USP28: variants seen among roughly 807,000 people sequenced by gnomAD.
USP28 encodes ubiquitin carboxyl-terminal hydrolase 28.
USP28 carries 113 observed loss-of-function variants against 145.0 expected under a neutral mutation model. That is an observed-to-expected ratio of 0.78 (90% CI 0.67 to 0.91). The LOEUF (loss-of-function observed/expected upper bound fraction) is 0.91, where lower values mean the gene tolerates loss of function less well. USP28 is among the 40% of genes least tolerant of loss of function. The pLI is 0.00. For synonymous variants in USP28, 447 were observed against 450.9 expected, an observed-to-expected ratio of 0.99 and a Z score of 0.11; for missense variants, 1,201 against 1,289.6, an observed-to-expected ratio of 0.93 and a Z score of 1.05.
intron 18 of USP28, 46 bp from the exon 20 acceptor site, chr11:113,806,630 G>C: frequency 7.3e-7 from 1 of 1,362,050 alleles, no homozygotes; most frequent in Non-Finnish European, 1.0e-6. Flanking sequence ...AGAGAAGAAA[G>C]GTTCAGCAGA....
chr11:113,821,769 C>G (rs971755188), intron 12 of USP28: 1 of 192,482 alleles, frequency 5.2e-6, no homozygotes, highest in African/African-American at 2.3e-5. Context: ...ATTCAGAAAG[C>G]CTCTCTGTTC....
intron 1 of USP28, among the ~76,000 whole-genome samples, chr11:113,855,116 A>C (rs1402874947): frequency 6.6e-6 from 1 of 152,214 alleles, no homozygotes; most frequent in African/African-American, 2.4e-5. Flanking sequence ...TTGACTAATT[A>C]AAAAGTACAG....
chr11:113,813,947 T>A, exon 15 of USP28: 1 of 1,606,030 alleles, frequency 6.2e-7, no homozygotes, highest in Non-Finnish European at 8.5e-7. Context: ...GCAATACAAG[T>A]CTTTAAATCT....
chr11:113,830,736 A>G (rs1943884404), intron 9 of USP28, 131 bp downstream of exon 9: 1 of 722,728 alleles, frequency 1.4e-6, no homozygotes, highest in Non-Finnish European at 2.2e-6. Context: ...AGATACCAAG[A>G]GGCAGAACCA....
intron 10 of USP28, among the ~76,000 whole-genome samples, chr11:113,828,622 A>G (rs1943640177): frequency 6.6e-6 from 1 of 152,228 alleles, no homozygotes; most frequent in African/African-American, 2.4e-5. Context: ...GTAAAGAATT[A>G]TGTTACAAAT....
intron 1 of USP28, among the ~76,000 whole-genome samples, chr11:113,874,180 G>A (rs1484289740): frequency 7.6e-6 from 1 of 131,714 alleles, no homozygotes; most frequent in African/African-American, 2.9e-5. Context: ...GACTGGGCGC[G>A]GTGGCTCACG....
At chr11:113,799,961 T>C (rs971909585) in intron 24 of USP28, among the ~76,000 whole-genome samples, 1 of 152,166 alleles carries the variant, frequency 6.6e-6, no homozygotes, top group African/African-American at 2.4e-5. Flanking sequence ...TTACAGGATT[T>C]TTAAATAAAT....
exon 7 of USP28, chr11:113,833,520 T>C (rs1378555421): frequency 6.2e-7 from 1 of 1,614,158 alleles, no homozygotes; most frequent in Non-Finnish European, 8.5e-7. Flanking sequence ...AGCAAACAAA[T>C]ACTGAAGCTC....
rs775711592 is a variant in USP28, at chr11:113,823,313, A to C, written c.1283+292T>G. On this transcript the variant is annotated intron_variant, in intron 12 of 24. Coordinates refer to ENST00000003302, the Ensembl canonical transcript of USP28. ...TCTCATGTTTGTGAAAAAGATGGCAAGGGGAGTAGAAAAAAAGTCTATAAA... is the reference window on the plus strand; with the variant it reads ...TCTCATGTTTGTGAAAAAGATGGCACGGGGAGTAGAAAAAAAGTCTATAAA... Among the ~76,000 whole-genome samples the C allele has an allele frequency of 3.3e-5, 5 of 152,150 alleles. 1 individual carries two copies. Among genetic ancestry groups the C allele is most frequent in the Non-Finnish European group, 5.9e-5 (4 of 68,026 alleles).
At chr11:113,828,782 G>A (rs1367562557) in intron 10 of USP28, 1 of 320,394 alleles carries the variant, frequency 3.1e-6, no homozygotes. Context: ...TAAAAGCAAA[G>A]GCAGAATTTA....
At chr11:113,859,681 C>T (rs947086550) in intron 1 of USP28, among the ~76,000 whole-genome samples, 1 of 151,998 alleles carries the variant, frequency 6.6e-6, no homozygotes, top group Non-Finnish European at 1.5e-5. Flanking sequence ...CTCACTTCAC[C>T]TGAACTTCAC....
intron 7 of USP28, 99 bp downstream of exon 7, chr11:113,833,321 A>T: frequency 6.8e-7 from 1 of 1,476,342 alleles, no homozygotes; most frequent in Non-Finnish European, 9.2e-7. Context: ...AGTCCTGCTT[A>T]GTCATGTTCA....
exon 3 of USP28, chr11:113,852,529 C>A: frequency 6.2e-7 from 1 of 1,614,122 alleles, no homozygotes; most frequent in African/African-American, 1.3e-5. Context: ...TGGCAGCACT[C>A]CCCTCTACTT....
intron 12 of USP28, chr11:113,818,212 C>CAT: frequency 6.3e-6 from 1 of 157,726 alleles, no homozygotes; most frequent in Non-Finnish European, 1.4e-5. Context: ...AGTGCAGTGG[C>CAT]GCTATCTTGG....
intron 3 of USP28, among the ~76,000 whole-genome samples, chr11:113,842,148 G>A (rs1385888299): frequency 1.3e-5 from 2 of 151,918 alleles, no homozygotes; most frequent in East Asian, 3.9e-4. Flanking sequence ...CAGAGAATAG[G>A]GATATACTCC....
intron 1 of USP28, among the ~76,000 whole-genome samples, chr11:113,868,677 T>C (rs185604330): frequency 1.3e-3 from 196 of 152,108 alleles, no homozygotes; most frequent in Admixed American, 2.4e-3. Flanking sequence ...TCCCAAAACT[T>C]TGGGAGGCTC....
At position 113,826,294 on chromosome 11, in the gene USP28, A is replaced by AAAAG. The variant is rs1555065546; in HGVS notation, c.1187+935_1187+938dup. ...CAAGACTCCTTCTCAAAAAAAAAAA[A>AAAAG]AAAGAAAGAAAGAAAAGAAAAGAAA... is the stretch of plus-strand genomic sequence containing the variant. On this transcript the variant is annotated intron_variant, in intron 11 of 24. Coordinates refer to ENST00000003302, the Ensembl canonical transcript of USP28. Among the ~76,000 whole-genome samples the AAAAG allele has an allele frequency of 1.2e-4, 17 of 143,776 alleles. 1 individual carries two copies. Among genetic ancestry groups the AAAAG allele is most frequent in the Non-Finnish European group, 2.4e-4 (16 of 65,674 alleles). The allele number at this position is 143,776 out of a possible 152,430, so 94.3% of individuals were successfully genotyped here. A position where few individuals can be genotyped will look rare whatever the true frequency, so the allele number is the denominator to read the frequency against.
intron 1 of USP28, among the ~76,000 whole-genome samples, chr11:113,862,163 A>C (rs945884351): frequency 8.5e-5 from 13 of 152,138 alleles, no homozygotes; most frequent in Non-Finnish European, 1.3e-4. Flanking sequence ...CCTGGCCAAC[A>C]CGGTGAAACC....
At chr11:113,856,134 G>A (rs1382799941) in intron 1 of USP28, among the ~76,000 whole-genome samples, 2 of 152,182 alleles carry the variant, frequency 1.3e-5, no homozygotes, top group African/African-American at 2.4e-5. Flanking sequence ...TCGCAAGCAT[G>A]TAATTTTTAG....
Sources: allele counts gnomAD v4.1 joint callset (sites outside exome capture counted in the v4.1 genomes callset), GRCh38; gene constraint gnomAD v4.1.1; transcripts MANE v1.5; gene names NCBI Gene and HGNC (gene_info 2026-07-23, HGNC 2026-07-21).